Variants in TBC1D32 observed in about 807,000 individuals in gnomAD.
TBC1D32 encodes protein broad-minded.
A neutral mutation model predicts 170.3 loss-of-function variants in TBC1D32; 151 were observed. The ratio of observed to expected loss-of-function variants is 0.89; its 90% CI spans 0.78 to 1.01. The LOEUF (loss-of-function observed/expected upper bound fraction) is 1.01, where lower values mean the gene tolerates loss of function less well. TBC1D32 is among the 50% of genes least tolerant of loss of function. TBC1D32 has a pLI of 0.00. For missense variants in TBC1D32, 1,464 were observed against 1,457.1 expected (o/e 1.00, Z -0.08); for synonymous variants, 498 against 488.0 (o/e 1.02, Z -0.27).
At chr6:121,225,750 C>G (rs1443129921) in intron 20 of TBC1D32, among the ~76,000 whole-genome samples, 1 of 151,958 alleles carries the variant, frequency 6.6e-6, no homozygotes, top group Non-Finnish European at 1.5e-5. Flanking sequence ...CAGCTTGTTT[C>G]TAGAAGAAAT....
intron 24 of TBC1D32, among the ~76,000 whole-genome samples, chr6:121,137,180 C>A (rs929395851): frequency 6.6e-6 from 1 of 151,988 alleles, no homozygotes; most frequent in Non-Finnish European, 1.5e-5. Context: ...TTTATATTTT[C>A]TAGGTGATTA....
At chr6:121,248,374 A>G (rs893966385) in intron 17 of TBC1D32, among the ~76,000 whole-genome samples, 4 of 152,068 alleles carry the variant, frequency 2.6e-5, no homozygotes, top group African/African-American at 9.7e-5. Flanking sequence ...CTGAAAGAGC[A>G]CAAATAGACA....
chr6:121,291,730 A>C (rs1358982667), intron 12 of TBC1D32, among the ~76,000 whole-genome samples: 1 of 152,176 alleles, frequency 6.6e-6, no homozygotes, highest in East Asian at 1.9e-4. Flanking sequence ...AATGGAAACA[A>C]CAAAGGTTAA....
chr6:121,104,989 G>A (rs1331435014), intron 30 of TBC1D32, among the ~76,000 whole-genome samples: 1 of 151,674 alleles, frequency 6.6e-6, no homozygotes, highest in Non-Finnish European at 1.5e-5. Flanking sequence ...TAAATGATAG[G>A]CTTATTCTTA....
At chr6:121,127,324 T>C (rs1458930221) in intron 25 of TBC1D32, among the ~76,000 whole-genome samples, 3 of 152,278 alleles carry the variant, frequency 2.0e-5, no homozygotes, top group Non-Finnish European at 4.4e-5. Flanking sequence ...AGGAATAACA[T>C]ATGCTTTTCA....
intron 30 of TBC1D32, among the ~76,000 whole-genome samples, chr6:121,102,772 CA>C (rs1219424081): frequency 6.6e-6 from 1 of 152,044 alleles, no homozygotes; most frequent in Non-Finnish European, 1.5e-5. Flanking sequence ...TTCTGCACAG[CA>C]AAAGAAACTA....
At chr6:121,091,349 T>C (rs1280792182) in intron 30 of TBC1D32, among the ~76,000 whole-genome samples, 1 of 152,166 alleles carries the variant, frequency 6.6e-6, no homozygotes, top group African/African-American at 2.4e-5. Context: ...ACCAATCTGC[T>C]CTCTACAGAT....
At chr6:121,280,544 C>A (rs1802840218) in intron 14 of TBC1D32, among the ~76,000 whole-genome samples, 1 of 151,756 alleles carries the variant, frequency 6.6e-6, no homozygotes. Flanking sequence ...ACCCACCTAA[C>A]TTTGCAAAGG....
intron 20 of TBC1D32, among the ~76,000 whole-genome samples, chr6:121,227,286 T>C (rs1795194629): frequency 6.6e-6 from 1 of 152,172 alleles, no homozygotes; most frequent in Non-Finnish European, 1.5e-5. Context: ...GGATGTTACT[T>C]GTTTTTGGAT....
intron 3 of TBC1D32, among the ~76,000 whole-genome samples, chr6:121,315,017 G>A (rs1036615193): frequency 4.6e-5 from 7 of 152,148 alleles, no homozygotes; most frequent in Non-Finnish European, 1.0e-4. Flanking sequence ...TTTACAAATG[G>A]GAAACACTAC....
intron 24 of TBC1D32, among the ~76,000 whole-genome samples, chr6:121,145,759 T>C (rs1783351528): frequency 6.6e-6 from 1 of 152,156 alleles, no homozygotes; most frequent in Non-Finnish European, 1.5e-5. Context: ...TTTTTAAAAT[T>C]GCAGTGGTAA....
intron 9 of TBC1D32, among the ~76,000 whole-genome samples, chr6:121,300,210 G>A (rs1806254368): frequency 2.6e-5 from 4 of 152,232 alleles, no homozygotes; most frequent in Non-Finnish European, 5.9e-5. Context: ...TTGAGAGGAT[G>A]AGGCGGGCAA....
intron 1 of TBC1D32, among the ~76,000 whole-genome samples, chr6:121,332,693 G>A (rs1353153377): frequency 6.6e-6 from 1 of 152,058 alleles, no homozygotes; most frequent in Admixed American, 6.5e-5. Flanking sequence ...ATTATTACAT[G>A]AGTTTACAAA....
chr6:121,332,143 A>G (rs1811303243), intron 1 of TBC1D32, among the ~76,000 whole-genome samples: 3 of 152,118 alleles, frequency 2.0e-5, no homozygotes, highest in Admixed American at 1.3e-4. Context: ...AACTACAATG[A>G]CCCAATTTTA....
At chr6:121,207,986 T>C (rs919939038) in intron 21 of TBC1D32, among the ~76,000 whole-genome samples, 2 of 151,936 alleles carry the variant, frequency 1.3e-5, no homozygotes, top group African/African-American at 2.4e-5. Flanking sequence ...GGTTAGCCTA[T>C]GAATAAAACT....
chr6:121,131,417 G>C (rs187462379), intron 25 of TBC1D32, among the ~76,000 whole-genome samples: 61 of 151,170 alleles, frequency 4.0e-4, no homozygotes, highest in African/African-American at 1.4e-3. Flanking sequence ...AGACTGTTTA[G>C]ACAGTTCCAA....
At chr6:121,149,740 GCTCTCT>G (rs967258732) in intron 24 of TBC1D32, among the ~76,000 whole-genome samples, 53 of 152,222 alleles carry the variant, frequency 3.5e-4, no homozygotes, top group African/African-American at 1.2e-3. Flanking sequence ...TGCTATACGG[GCTCTCT>G]ATCGGTTCCA....
At chr6:121,224,470 A>G (rs907850891) in intron 20 of TBC1D32, 1 of 152,168 alleles carries the variant, frequency 6.6e-6, no homozygotes, top group Admixed American at 6.6e-5. Flanking sequence ...AGAAATTTGA[A>G]AATTCAGAAA....
At chr6:121,135,591 T>C (rs958910664) in intron 24 of TBC1D32, among the ~76,000 whole-genome samples, 6 of 152,116 alleles carry the variant, frequency 3.9e-5, no homozygotes, top group Non-Finnish European at 7.4e-5. Context: ...CTAAAATTTG[T>C]GGATTAGAAT....
Sources: allele counts gnomAD v4.1 joint callset (sites outside exome capture counted in the v4.1 genomes callset), GRCh38; gene constraint gnomAD v4.1.1; transcripts MANE v1.5; gene names NCBI Gene and HGNC (gene_info 2026-07-23, HGNC 2026-07-21).